Variants in ADAM18 observed in about 807,000 individuals in gnomAD.
ADAM18 encodes disintegrin and metalloproteinase domain-containing protein 18.
In ADAM18, 117 loss-of-function variants were observed where a neutral mutation model predicts 94.4. The ratio of observed to expected loss-of-function variants is 1.24; its 90% CI spans 1.07 to 1.45. The LOEUF (loss-of-function observed/expected upper bound fraction) is 1.45, where lower values mean the gene tolerates loss of function less well. ADAM18 is among the 40% of genes most tolerant of loss of function. The pLI, the probability that ADAM18 is intolerant of heterozygous loss-of-function variation, is 0.00. For synonymous variants in ADAM18, 327 were observed against 291.6 expected (o/e 1.12, Z -1.24); for missense variants, 936 against 880.0 (o/e 1.06, Z -0.81).
At position 39,610,538 on chromosome 8, in the gene ADAM18, C is replaced by T. The variant is rs1819240900; in HGVS notation, c.354C>T (p.Leu118=). 3 of 1,599,234 alleles carry T rather than the reference C, an allele frequency of 1.9e-6. No homozygotes were observed. In the South Asian group the frequency reaches 3.4e-5, roughly 18 times the overall value. ...LSICSGLRGF[L]QFENISYGIE... ...CCTTCTAAATTTTCAGGGGATTTCT[C>T]CAGTTTGAAAATATCAGTTATGGAA... Residue 118 remains leucine (L), a synonymous_variant, in exon 6 of 20, where the codon CTC becomes CTT. Coordinates refer to ENST00000265707, the MANE Select transcript of ADAM18 (RefSeq NM_014237.3).
At chr8:39,688,257 G>C (rs1339565894) in intron 16 of ADAM18, among the ~76,000 whole-genome samples, 1 of 151,962 alleles carries the variant, frequency 6.6e-6, no homozygotes, top group African/African-American at 2.4e-5. Context: ...TTTAAGTTCA[G>C]GGGTACATGT....
chr8:39,622,226 T>C (rs73605956), intron 6 of ADAM18, among the ~76,000 whole-genome samples: 5,389 of 151,038 alleles, frequency 0.036, 240 homozygotes, highest in African/African-American at 0.11. Flanking sequence ...CAAGGCAAAA[T>C]TATATTCTCA....
At chr8:39,606,603 T>C (rs1178945309) in intron 3 of ADAM18, among the ~76,000 whole-genome samples, 1 of 152,182 alleles carries the variant, frequency 6.6e-6, no homozygotes, top group Non-Finnish European at 1.5e-5. Context: ...TTGTAAAATC[T>C]CAAATTGCAT....
chr8:39,644,389 C>G (rs906440577), intron 10 of ADAM18, among the ~76,000 whole-genome samples: 4 of 152,144 alleles, frequency 2.6e-5, no homozygotes, highest in African/African-American at 9.7e-5. Context: ...CTCCTGGGCT[C>G]AAGTCATTCT....
At chr8:39,718,582 T>C (rs1221353410) in intron 18 of ADAM18, among the ~76,000 whole-genome samples, 1 of 151,366 alleles carries the variant, frequency 6.6e-6, no homozygotes, top group Non-Finnish European at 1.5e-5. Context: ...TACAAATTAA[T>C]GGGCATAAAG....
intron 18 of ADAM18, among the ~76,000 whole-genome samples, chr8:39,712,590 C>G (rs1026468061): frequency 1.3e-5 from 2 of 152,180 alleles, no homozygotes; most frequent in African/African-American, 4.8e-5. Context: ...GCAATTTCAG[C>G]AAAGTCTCAG....
chr8:39,728,297 C>A (rs761811786), intron 19 of ADAM18, among the ~76,000 whole-genome samples: 4 of 152,136 alleles, frequency 2.6e-5, no homozygotes, highest in Non-Finnish European at 5.9e-5. Context: ...GCCATCCTAA[C>A]CAGTCAAAGA....
In ADAM18 at chr8:39,637,312, C is replaced by A; in HGVS notation, c.637C>A (p.Gln213Lys). The A allele has an allele frequency of 6.2e-7, 1 of 1,603,874 alleles. No individual in the cohort carries two copies. The highest frequency in any genetic ancestry group is 8.5e-7 in the Non-Finnish European group (1 of 1,174,784). ...GATGGCTGTAACACAAAAAATTGTC[C>A]AGGTTATTGGGCTTGTCAACACTGT... is the stretch of plus-strand genomic sequence containing the variant. ...EMMAVTQKIV[Q>K]VIGLVNTMFT... Residue 213 changes from glutamine (Q) to lysine (K), a missense_variant, in exon 8 of 20, where the codon CAG becomes AAG. Gln to Lys is a moderately conservative substitution (Grantham distance 53). Transcript: ENST00000265707.
chr8:39,620,285 C>T (rs542337435), intron 6 of ADAM18, among the ~76,000 whole-genome samples: 44 of 142,626 alleles, frequency 3.1e-4, no homozygotes, highest in Non-Finnish European at 5.9e-4. Flanking sequence ...AAAGCCTAAA[C>T]GAAACACTAT....
chr8:39,645,079 A>G (rs565940270), intron 10 of ADAM18, among the ~76,000 whole-genome samples: 58 of 152,280 alleles, frequency 3.8e-4, no homozygotes, highest in African/African-American at 1.3e-3. Context: ...ATTGTATCAG[A>G]AATACCACCT....
intron 13 of ADAM18, among the ~76,000 whole-genome samples, chr8:39,667,269 G>A (rs1821015537): frequency 6.6e-6 from 1 of 151,914 alleles, no homozygotes; most frequent in African/African-American, 2.4e-5. Context: ...AGGCGTGGTG[G>A]CATGTACCTA....
intron 18 of ADAM18, among the ~76,000 whole-genome samples, chr8:39,719,475 A>T (rs1402016701): frequency 1.3e-5 from 2 of 151,412 alleles, no homozygotes; most frequent in Non-Finnish European, 3.0e-5. Flanking sequence ...AACATAAAAA[A>T]ATTAGGACTT....
At chr8:39,588,252 A>G (rs1250896370) in intron 2 of ADAM18, among the ~76,000 whole-genome samples, 1 of 150,146 alleles carries the variant, frequency 6.7e-6, no homozygotes, top group African/African-American at 2.5e-5. Flanking sequence ...TTTTAACAAA[A>G]CCCATTATAA....
intron 12 of ADAM18, among the ~76,000 whole-genome samples, chr8:39,662,075 C>T (rs1276536039): frequency 6.6e-6 from 1 of 151,758 alleles, no homozygotes; most frequent in Non-Finnish European, 1.5e-5. Context: ...AATAAAATTG[C>T]ACAAATGCAA....
At chr8:39,637,394 G>T (rs1244293585) in intron 8 of ADAM18, 59 bp downstream of exon 8, 9 of 1,518,872 alleles carry the variant, frequency 5.9e-6, no homozygotes, top group Non-Finnish European at 8.1e-6. Context: ...TATAATTTGG[G>T]TTCTATCTTG....
chr8:39,586,494 T>A (rs1818395509), intron 2 of ADAM18, among the ~76,000 whole-genome samples: 1 of 152,300 alleles, frequency 6.6e-6, no homozygotes, highest in African/African-American at 2.4e-5. Context: ...CACTTTGGGA[T>A]CCCAAGGTTG....
At chr8:39,667,927 T>A in intron 13 of ADAM18, 71 bp from the exon 14 acceptor site, 1 of 1,450,462 alleles carries the variant, frequency 6.9e-7, no homozygotes, top group South Asian at 1.2e-5. Context: ...TTTTATGTGA[T>A]AAATCTTTTC....
At chr8:39,659,037 A>G (rs546190693) in intron 12 of ADAM18, among the ~76,000 whole-genome samples, 7 of 152,302 alleles carry the variant, frequency 4.6e-5, no homozygotes, top group Non-Finnish European at 8.8e-5. Context: ...CTCTTGCTAG[A>G]AAACATTTAA....
intron 2 of ADAM18, among the ~76,000 whole-genome samples, chr8:39,592,645 C>T (rs1471294712): frequency 2.0e-5 from 3 of 152,022 alleles, no homozygotes; most frequent in African/African-American, 7.2e-5. Flanking sequence ...ATAAATGGTA[C>T]AGTTGGACAT....
Sources: gnomAD v4.1 joint callset for allele counts (sites outside exome capture counted in the v4.1 genomes callset) on GRCh38, gnomAD v4.1.1 for gene constraint, MANE v1.5 for transcripts, NCBI Gene and HGNC (gene_info 2026-07-23, HGNC 2026-07-21) for gene names.